The following GBF1 variants were observed in gnomAD, a reference collection of about 807,000 sequenced individuals.
GBF1 encodes Golgi-specific brefeldin A-resistance guanine nucleotide exchange factor 1.
GBF1 carries 114 observed loss-of-function variants against 210.5 expected under a neutral mutation model. The observed-to-expected ratio is 0.54, with a 90% CI of 0.47 to 0.63. GBF1 has a LOEUF of 0.63. GBF1 is among the 30% of genes least tolerant of loss of function. The probability of loss-of-function intolerance (pLI) is 0.00; values close to 1 mark genes in which losing one functional copy is unlikely to be tolerated. For missense variants in GBF1, 1,851 were observed against 2,357.7 expected (o/e 0.79, Z 4.45); for synonymous variants, 850 against 889.2 (o/e 0.96, Z 0.78).
At chr10:102,259,402 T>G (rs929558861) in intron 2 of GBF1, among the ~76,000 whole-genome samples, 30 of 152,176 alleles carry the variant, frequency 2.0e-4, no homozygotes, top group African/African-American at 7.2e-4. Flanking sequence ...ACATAGAACA[T>G]GACTTAGTGA....
intron 3 of GBF1, among the ~76,000 whole-genome samples, chr10:102,334,421 A>C (rs2057570944): frequency 6.6e-6 from 1 of 152,196 alleles, no homozygotes; most frequent in Non-Finnish European, 1.5e-5. Flanking sequence ...GCCTCCTGGG[A>C]GGATGGTGGC....
intron 1 of GBF1, among the ~76,000 whole-genome samples, chr10:102,255,967 A>G (rs191686125): frequency 4.5e-4 from 69 of 152,356 alleles, no homozygotes; most frequent in Admixed American, 3.0e-3. Context: ...TTATTTTAAG[A>G]CAGAGTCTCG....
chr10:102,365,518 A>G lies in GBF1; in HGVS notation c.2228A>G (p.Glu743Gly), dbSNP rs769149115. ...DNTEVAQWLR[E>G]NPRLDKKMIG... ...ACAGAGGTTGCTCAGTGGCTCCGAG[A>G]GAACCCTCGGCTGGACAAGAAGATG... is the stretch of plus-strand genomic sequence containing the variant. The change falls in exon 18 of 40, where the codon GAG becomes GGG. Residue 743 changes from glutamate to glycine, a missense_variant. Physicochemically the swap from Glu to Gly is moderately conservative, Grantham distance 98. Around this residue, in one of 3 missense-constraint regions of GBF1, gnomAD observed 804 missense variants for 958.6 expected, o/e 0.84. Coordinates refer to ENST00000369983, the MANE Select transcript of GBF1 (RefSeq NM_001377137.1). The G allele has an allele frequency of 8.1e-6, 13 of 1,614,186 alleles. No individual in the cohort carries two copies. The highest frequency in any genetic ancestry group is 2.7e-5 in the African/African-American group (2 of 75,074).
At chr10:102,364,884 CT>C (rs1346431235) in intron 17 of GBF1, among the ~76,000 whole-genome samples, 1 of 152,088 alleles carries the variant, frequency 6.6e-6, no homozygotes, top group African/African-American at 2.4e-5. Flanking sequence ...CTTTCTTTCT[CT>C]TATTGCCAGC....
chr10:102,382,204 A>G lies in GBF1; in HGVS notation c.5451A>G (p.Pro1817=), dbSNP rs954660813. The G allele has an allele frequency of 1.2e-6, 2 of 1,613,868 alleles. No individual in the cohort carries two copies. The highest frequency in any genetic ancestry group is 2.7e-5 in the African/African-American group (2 of 74,968). ...PPLILQPLAS[P]LQVGVPPMTL... ...TGATCCTGCAGCCCTTGGCCTCCCC[A>G]CTGCAGGTGGGCGTGCCACCTATGA... The change falls in exon 40 of 40, where the codon CCA becomes CCG. Residue 1817 remains proline (P), a synonymous_variant. Coordinates refer to ENST00000369983, the MANE Select transcript of GBF1 (RefSeq NM_001377137.1).
chr10:102,310,485 A>ATC (rs1314461622), intron 3 of GBF1, among the ~76,000 whole-genome samples: 1 of 152,202 alleles, frequency 6.6e-6, no homozygotes, highest in Non-Finnish European at 1.5e-5. Flanking sequence ...TACTGCTGGC[A>ATC]TTCCCTAGAC....
At chr10:102,277,418 C>T (rs1410001113) in intron 3 of GBF1, among the ~76,000 whole-genome samples, 1 of 144,280 alleles carries the variant, frequency 6.9e-6, no homozygotes, top group Non-Finnish European at 1.5e-5. Context: ...TTCAGACAGT[C>T]TCGCTCTGTC....
At chr10:102,235,074 A>T in the GBF1 span, among the ~76,000 whole-genome samples, 1 of 152,006 alleles carries the variant, frequency 6.6e-6, no homozygotes, top group African/African-American at 2.4e-5. Flanking sequence ...GCGCTGCCAC[A>T]TCCAGGCAGA....
chr10:102,365,415 G>C lies in GBF1; in HGVS notation c.2125G>C (p.Glu709Gln). 2 of 1,613,986 alleles carry C rather than the reference G, an allele frequency of 1.2e-6. No individual in the cohort carries two copies. The highest frequency in any genetic ancestry group is 1.7e-6 in the Non-Finnish European group (2 of 1,179,876). ...NKKKLLITGT[E>Q]QFNQKPKKGI... ...CATGCAGCTGCTAATCACTGGCACA[G>C]AGCAGTTCAATCAGAAACCAAAGAA... The change falls in exon 18 of 40, where the codon GAG becomes CAG. Residue 709 changes from glutamate to glutamine, a missense_variant. Physicochemically the swap from Glu to Gln is conservative, Grantham distance 29. Transcript: ENST00000369983.
At chr10:102,340,464 G>A (rs1021978194) in intron 3 of GBF1, among the ~76,000 whole-genome samples, 3 of 151,024 alleles carry the variant, frequency 2.0e-5, no homozygotes, top group Admixed American at 6.6e-5. Flanking sequence ...TAGTAGAGAC[G>A]GGGTTTCACC....
intron 3 of GBF1, among the ~76,000 whole-genome samples, chr10:102,268,363 G>A (rs1025252187): frequency 2.6e-5 from 4 of 152,180 alleles, no homozygotes; most frequent in African/African-American, 7.2e-5. Context: ...AGAGGGAAAA[G>A]CATTCTTAAT....
At chr10:102,286,365 G>T (rs2075957691) in intron 3 of GBF1, among the ~76,000 whole-genome samples, 1 of 152,158 alleles carries the variant, frequency 6.6e-6, no homozygotes, top group Non-Finnish European at 1.5e-5. Context: ...GCAGTTTGTG[G>T]AGCCTGGTCT....
At chr10:102,298,693 C>A (rs552963794) in intron 3 of GBF1, among the ~76,000 whole-genome samples, 9 of 152,186 alleles carry the variant, frequency 5.9e-5, no homozygotes, top group African/African-American at 1.9e-4. Context: ...GTAATATTAT[C>A]CCCATTGTAT....
upstream of GBF1, among the ~76,000 whole-genome samples, chr10:102,243,865 C>T (rs1202698117): frequency 1.3e-5 from 2 of 152,118 alleles, no homozygotes; most frequent in Non-Finnish European, 2.9e-5. Context: ...TGTGGTGGCT[C>T]ACACCTGTAA....
intron 3 of GBF1, among the ~76,000 whole-genome samples, chr10:102,334,523 T>C (rs1393565258): frequency 2.0e-5 from 3 of 152,130 alleles, no homozygotes; most frequent in Non-Finnish European, 4.4e-5. Context: ...TTATCAGAGA[T>C]GGTAGCAGCT....
At chr10:102,316,700 A>G (rs887847931) in intron 3 of GBF1, among the ~76,000 whole-genome samples, 1 of 152,254 alleles carries the variant, frequency 6.6e-6, no homozygotes, top group Non-Finnish European at 1.5e-5. Context: ...ATAGATAGAC[A>G]GATAGACCAA....
At chr10:102,248,202 G>C (rs1273437082) in intron 1 of GBF1, among the ~76,000 whole-genome samples, 1 of 151,938 alleles carries the variant, frequency 6.6e-6, no homozygotes, top group Non-Finnish European at 1.5e-5. Context: ...ATTTAAGGGT[G>C]TATGTTTTTG....
At chr10:102,379,826 G>A (rs1167428149) in intron 35 of GBF1, 27 bp from the exon 36 acceptor site, 1 of 1,558,520 alleles carries the variant, frequency 6.4e-7, no homozygotes, top group Non-Finnish European at 8.9e-7. Context: ...ACCTCATAGG[G>A]AGACATTGCA....
At chr10:102,231,890 G>A in the GBF1 span, 7 of 1,555,964 alleles carry the variant, frequency 4.5e-6, no homozygotes, top group Non-Finnish European at 6.2e-6. Context: ...CACCGGGGCT[G>A]CCCAGCCGGG....
Sources: allele counts gnomAD v4.1 joint callset (sites outside exome capture counted in the v4.1 genomes callset), GRCh38; gene constraint gnomAD v4.1.1; regional missense constraint gnomAD v4.1.1; transcripts MANE v1.5; gene names NCBI Gene and HGNC (gene_info 2026-07-23, HGNC 2026-07-21).